ASCC3: variants seen among roughly 807,000 people sequenced by gnomAD.
ASCC3 encodes activating signal cointegrator 1 complex subunit 3.
ASCC3 carries 158 observed loss-of-function variants against 256.3 expected under a neutral mutation model. The observed-to-expected ratio is 0.62, with a 90% CI of 0.54 to 0.70. The LOEUF (loss-of-function observed/expected upper bound fraction) is 0.70. Ranked by LOEUF, ASCC3 falls within the 30% of genes least tolerant of loss-of-function variation. The pLI is 0.00. For synonymous variants in ASCC3, 948 were observed against 883.4 expected, an observed-to-expected ratio of 1.07 and a Z score of -1.30; for missense variants, 2,259 against 2,626.0, an observed-to-expected ratio of 0.86 and a Z score of 3.05.
intron 13 of ASCC3, among the ~76,000 whole-genome samples, chr6:100,689,508 T>G (rs1485233847): frequency 6.6e-6 from 1 of 152,144 alleles, no homozygotes; most frequent in Non-Finnish European, 1.5e-5. Context: ...AGAGCTTACA[T>G]TTTGCTAATT....
intron 30 of ASCC3, among the ~76,000 whole-genome samples, chr6:100,619,434 T>C (rs559368084): frequency 4.6e-5 from 7 of 152,292 alleles, no homozygotes; most frequent in African/African-American, 1.7e-4. Flanking sequence ...AGAACATAAA[T>C]AAATCTGACA....
At chr6:100,577,883 T>C (rs1481671137) in intron 36 of ASCC3, among the ~76,000 whole-genome samples, 1 of 152,076 alleles carries the variant, frequency 6.6e-6, no homozygotes, top group Non-Finnish European at 1.5e-5. Flanking sequence ...CAGTATATAG[T>C]CTGTGGGTAG....
At chr6:100,817,080 G>A (rs1404669752) in intron 4 of ASCC3, among the ~76,000 whole-genome samples, 1 of 151,918 alleles carries the variant, frequency 6.6e-6, no homozygotes, top group Non-Finnish European at 1.5e-5. Context: ...AGATCATATA[G>A]TTAGCTATAA....
chr6:100,699,781 T>C (rs1161280493), intron 13 of ASCC3, among the ~76,000 whole-genome samples: 2 of 152,202 alleles, frequency 1.3e-5, no homozygotes, highest in Admixed American at 6.5e-5. Flanking sequence ...ACTCTTGTTA[T>C]GTTTTAGCAA....
chr6:100,620,117 T>A (rs1213602475), intron 30 of ASCC3, among the ~76,000 whole-genome samples: 2 of 152,156 alleles, frequency 1.3e-5, no homozygotes, highest in Non-Finnish European at 2.9e-5. Context: ...TCACCTCCTA[T>A]GAGAGAAGCC....
chr6:100,827,019 G>A (rs995246407), intron 4 of ASCC3, among the ~76,000 whole-genome samples: 1 of 152,186 alleles, frequency 6.6e-6, no homozygotes, highest in Non-Finnish European at 1.5e-5. Flanking sequence ...CCATGTTGGA[G>A]AGCAAATACA....
chr6:100,563,583 T>C (rs1770067900), intron 36 of ASCC3, among the ~76,000 whole-genome samples: 1 of 152,070 alleles, frequency 6.6e-6, no homozygotes, highest in African/African-American at 2.4e-5. Flanking sequence ...TCCTCGCACG[T>C]GGATTAGCAT....
chr6:100,642,859 T>C, intron 23 of ASCC3, 110 bp from the exon 24 acceptor site: 1 of 1,050,068 alleles, frequency 9.5e-7, no homozygotes, highest in Non-Finnish European at 1.4e-6. Flanking sequence ...AAAGACAAAG[T>C]ATCTTGAATT....
chr6:100,628,096 A>AC lies in ASCC3; in HGVS notation c.4376-110_4376-109insG, dbSNP rs201404760. 1,412 of 1,145,744 alleles carry AC rather than the reference A, an allele frequency of 1.2e-3. 22 individuals carry two copies. The African/African-American group carries it at 0.019, about 16-fold the overall frequency. 71.0% of individuals were successfully genotyped at this position (1,145,744 alleles called of 1,614,324 possible). A position where few individuals can be genotyped will look rare whatever the true frequency, so the allele number is the denominator to read the frequency against. On this transcript the variant is annotated intron_variant, in intron 27 of 41. Transcript: ENST00000369162. The stretch of plus-strand genomic sequence containing the variant: ...GCTTCCTCAAAAAACAAAAACAAAA[A>AC]AAAAAACAAAAAAAAAGCTAAAGCT...
Position 100,766,690 on chromosome 6 carries a change from G to C in ASCC3, c.1612C>G (p.Pro538Ala). The change falls in exon 10 of 42, where the codon CCA becomes GCA. Residue 538 changes from proline to alanine, a missense_variant. Physicochemically the swap from Pro to Ala is conservative, Grantham distance 27. Transcript: ENST00000369162. ...KNEFKIVYVA[P>A]MKALAAEMTD... ...ATTTCAGCTGCCAAGGCTTTCATTG[G>C]AGCAACATATACAATCTATACCAAA... 1.9e-6 allele frequency: 3 copies of C among 1,613,914 alleles called. No individual in the cohort carries two copies. Among genetic ancestry groups the C allele is most frequent in the Non-Finnish European group, 2.5e-6 (3 of 1,179,924 alleles).
chr6:100,626,245 AAC>A (rs1774227274), intron 29 of ASCC3, among the ~76,000 whole-genome samples: 1 of 152,058 alleles, frequency 6.6e-6, no homozygotes, highest in Admixed American at 6.6e-5. Context: ...ACTCTCTTAA[AAC>A]AGTCAGAGAT....
At chr6:100,611,099 A>G (rs1034435084) in intron 30 of ASCC3, among the ~76,000 whole-genome samples, 3 of 152,150 alleles carry the variant, frequency 2.0e-5, no homozygotes, top group Non-Finnish European at 4.4e-5. Context: ...GTGAGGCATT[A>G]ATATTCTGTC....
intron 13 of ASCC3, among the ~76,000 whole-genome samples, chr6:100,706,336 G>C (rs1256073163): frequency 6.6e-6 from 1 of 150,636 alleles, no homozygotes; most frequent in Admixed American, 6.6e-5. Context: ...ATTATTATGA[G>C]TTAAAAAAAA....
chr6:100,627,443 T>C (rs529385463), intron 29 of ASCC3, 147 bp downstream of exon 29: 1 of 1,038,612 alleles, frequency 9.6e-7, no homozygotes, highest in African/African-American at 1.6e-5. Context: ...TATATTTGTA[T>C]TCCTTAACAG....
chr6:100,791,751 T>C (rs1220346577), intron 8 of ASCC3, among the ~76,000 whole-genome samples: 2 of 152,018 alleles, frequency 1.3e-5, no homozygotes, highest in Non-Finnish European at 2.9e-5. Flanking sequence ...AAATCTGGCC[T>C]CTTTGACAAA....
intron 11 of ASCC3, among the ~76,000 whole-genome samples, chr6:100,723,832 T>C (rs987062970): frequency 7.1e-6 from 1 of 140,072 alleles, no homozygotes; most frequent in African/African-American, 2.6e-5. Context: ...ACAACTGGGT[T>C]TGGATATGGC....
intron 36 of ASCC3, among the ~76,000 whole-genome samples, chr6:100,540,735 T>C (rs999083016): frequency 6.6e-6 from 1 of 152,146 alleles, no homozygotes; most frequent in African/African-American, 2.4e-5. Flanking sequence ...TGTTACGATA[T>C]GGTAAAAGTA....
intron 30 of ASCC3, among the ~76,000 whole-genome samples, chr6:100,615,696 T>C (rs1318313006): frequency 6.6e-6 from 1 of 152,214 alleles, no homozygotes; most frequent in Non-Finnish European, 1.5e-5. Flanking sequence ...CAGTAGGATA[T>C]GCATGCTACC....
intron 36 of ASCC3, among the ~76,000 whole-genome samples, chr6:100,561,596 TA>T (rs761816613): frequency 2.2e-4 from 33 of 152,128 alleles, no homozygotes; most frequent in Non-Finnish European, 4.0e-4. Flanking sequence ...TTTGAGGTCT[TA>T]ATTGATTCTT....
Sources: gnomAD v4.1 joint callset for allele counts (sites outside exome capture counted in the v4.1 genomes callset) on GRCh38, gnomAD v4.1.1 for gene constraint, MANE v1.5 for transcripts, NCBI Gene and HGNC (gene_info 2026-07-23, HGNC 2026-07-21) for gene names.